The following NTRK3 variants were observed in gnomAD, a reference collection of about 807,000 sequenced individuals.
NTRK3 encodes the protein neurotrophic receptor tyrosine kinase 3, also known as NT-3 growth factor receptor.
In NTRK3, 24 loss-of-function variants were observed where a neutral mutation model predicts 91.7. The ratio of observed to expected loss-of-function variants is 0.26; its 90% CI spans 0.19 to 0.37. The LOEUF (loss-of-function observed/expected upper bound fraction) is 0.37, where lower values mean the gene tolerates loss of function less well. Among genes scored for constraint, NTRK3 ranks in the 10% least tolerant of loss-of-function variants. The pLI is 1.00. For missense variants in NTRK3, 880 were observed against 1,068.9 expected (o/e 0.82, Z 2.46); for synonymous variants, 483 against 404.0 (o/e 1.20, Z -2.34).
intron 15 of NTRK3, among the ~76,000 whole-genome samples, chr15:87,935,640 T>C (rs2069208172): frequency 6.6e-6 from 1 of 152,158 alleles, no homozygotes; most frequent in Non-Finnish European, 1.5e-5. Flanking sequence ...TTTATGTGAA[T>C]GCTGGATTTA....
chr15:88,064,206 C>G (rs1410084814), intron 13 of NTRK3, among the ~76,000 whole-genome samples: 2 of 152,216 alleles, frequency 1.3e-5, no homozygotes, highest in Non-Finnish European at 2.9e-5. Context: ...CTTAAAAAGC[C>G]TTTGGCAGGA....
At position 88,233,145 on chromosome 15, in the gene NTRK3, C is replaced by G. The variant is rs1207246942; in HGVS notation, c.248+22761G>C. 3.3e-5 allele frequency among the ~76,000 whole-genome samples: 5 copies of G among 152,160 alleles called. No homozygotes were observed. On this transcript the variant is annotated intron_variant, in intron 3 of 18. Coordinates refer to ENST00000394480, the Ensembl canonical transcript of NTRK3. The surrounding 1 kb of genome is among the most constrained non-coding windows in gnomAD (Gnocchi z 4.2). ...GGGCAGAGAGAATCTATTTCGGAGC[C>G]ACCCCAGGCTATTTTCCTCTGGAGC...
intron 10 of NTRK3, among the ~76,000 whole-genome samples, chr15:88,130,527 AT>A (rs1329641210): frequency 2.0e-5 from 3 of 152,170 alleles, no homozygotes; most frequent in Non-Finnish European, 4.4e-5. Context: ...TGACCAAGTA[AT>A]AAAGTCAACA....
At chr15:88,142,299 C>A (rs1297448452) in intron 6 of NTRK3, among the ~76,000 whole-genome samples, 1 of 152,248 alleles carries the variant, frequency 6.6e-6, no homozygotes, top group Non-Finnish European at 1.5e-5. Context: ...TGCAGGCAGT[C>A]GCATTAATAA....
At chr15:88,195,111 G>A (rs1001963012) in intron 3 of NTRK3, among the ~76,000 whole-genome samples, 2 of 152,170 alleles carry the variant, frequency 1.3e-5, no homozygotes, top group Non-Finnish European at 2.9e-5. Context: ...CTGGTGTCTA[G>A]CGGGGTGAGG....
chr15:87,894,147 C>T (rs59607205), intron 17 of NTRK3, among the ~76,000 whole-genome samples: 7 of 152,294 alleles, frequency 4.6e-5, no homozygotes, highest in African/African-American at 1.2e-4. Flanking sequence ...TCTATGCCTT[C>T]GTCATTCCCT....
chr15:88,184,569 G>C (rs1416345795), intron 3 of NTRK3, among the ~76,000 whole-genome samples: 1 of 152,202 alleles, frequency 6.6e-6, no homozygotes, highest in Non-Finnish European at 1.5e-5. Context: ...CCATCAGCTA[G>C]AAAAAGATGC....
At chr15:88,131,803 A>T (rs1180066317) in intron 10 of NTRK3, among the ~76,000 whole-genome samples, 1 of 150,326 alleles carries the variant, frequency 6.7e-6, no homozygotes, top group Non-Finnish European at 1.5e-5. Context: ...AAGCTTTGGA[A>T]GAAGGAGACA....
chr15:88,103,789 C>A (rs1323746606), intron 13 of NTRK3, among the ~76,000 whole-genome samples: 1 of 152,126 alleles, frequency 6.6e-6, no homozygotes, highest in African/African-American at 2.4e-5. Flanking sequence ...CATTCCCCCA[C>A]AGAGTCCCCA....
intron 13 of NTRK3, among the ~76,000 whole-genome samples, chr15:88,064,808 C>T (rs995319380): frequency 6.6e-6 from 1 of 152,198 alleles, no homozygotes; most frequent in Non-Finnish European, 1.5e-5. Context: ...CACTTTAGGG[C>T]TCCCTGCCTC....
Position 88,154,642 on chromosome 15 carries a change from G to A in NTRK3, c.396-7239C>T, listed in dbSNP as rs566928174. Among the ~76,000 whole-genome samples, 324 of 152,308 alleles carry A rather than the reference G, an allele frequency of 2.1e-3. 1 individual carries two copies. Among genetic ancestry groups the A allele is most frequent in the Non-Finnish European group, 4.1e-3 (282 of 68,028 alleles). ...AATCAAATCTCAACTGACGTGACTG[G>A]TGTCTTGACCTTAGCTCAGGAGACT... On this transcript the variant is annotated intron_variant, in intron 5 of 18. Coordinates refer to ENST00000394480, the Ensembl canonical transcript of NTRK3.
chr15:87,938,073 A>C (rs760388070), intron 15 of NTRK3, among the ~76,000 whole-genome samples: 11 of 152,130 alleles, frequency 7.2e-5, no homozygotes, highest in Admixed American at 5.9e-4. Flanking sequence ...TTGTCTAATG[A>C]TGATTTCAGA....
chr15:88,040,676 A>C (rs1447533583), intron 13 of NTRK3, among the ~76,000 whole-genome samples: 1 of 152,196 alleles, frequency 6.6e-6, no homozygotes, highest in East Asian at 1.9e-4. Context: ...CCACTGGCCC[A>C]ACCCTAGGGC....
At chr15:87,979,447 C>T (rs1393720238) in intron 14 of NTRK3, 2 of 1,605,002 alleles carry the variant, frequency 1.2e-6, no homozygotes, top group African/African-American at 1.3e-5. Flanking sequence ...TTGGATTCAA[C>T]ATAATTTCTC....
At chr15:88,024,241 A>G (rs771896058) in intron 14 of NTRK3, among the ~76,000 whole-genome samples, 1 of 152,224 alleles carries the variant, frequency 6.6e-6, no homozygotes, top group Non-Finnish European at 1.5e-5. Context: ...TAGCAGTTCC[A>G]GCTTTGGTTA....
intron 13 of NTRK3, among the ~76,000 whole-genome samples, chr15:88,107,092 AT>A (rs954746227): frequency 1.4e-4 from 22 of 152,236 alleles, no homozygotes; most frequent in Middle Eastern, 3.4e-3. Context: ...ATTACCACTA[AT>A]TTTTTATACA....
chr15:88,195,282 T>C (rs1000336656), intron 3 of NTRK3, among the ~76,000 whole-genome samples: 2 of 152,248 alleles, frequency 1.3e-5, no homozygotes, highest in African/African-American at 4.8e-5. Context: ...CACCTATGTG[T>C]TCACTTGTTT....
intron 3 of NTRK3, among the ~76,000 whole-genome samples, chr15:88,218,802 A>T (rs1486920431): frequency 6.6e-6 from 1 of 152,242 alleles, no homozygotes; most frequent in Non-Finnish European, 1.5e-5. Flanking sequence ...CTGATGCCGC[A>T]TTAACCCCTG....
At chr15:87,875,415 C>T in exon 19 of NTRK3, 1 of 231,784 alleles carries the variant, frequency 4.3e-6, no homozygotes, top group East Asian at 6.1e-5. Context: ...GGCAGTGATT[C>T]CCCAGTGCTG....
Sources: allele counts gnomAD v4.1 joint callset (sites outside exome capture counted in the v4.1 genomes callset), GRCh38; gene constraint gnomAD v4.1.1; non-coding constraint Gnocchi (gnomAD v3.1); transcripts MANE v1.5; gene names NCBI Gene and HGNC (gene_info 2026-07-23, HGNC 2026-07-21).